Variants in PID1 observed in about 807,000 individuals in gnomAD.
PID1 encodes PTB-containing, cubilin and LRP1-interacting protein.
In PID1, 10 loss-of-function variants were observed where a neutral mutation model predicts 19.1. The observed-to-expected ratio is 0.52, with a 90% CI of 0.32 to 0.89. The LOEUF (loss-of-function observed/expected upper bound fraction) is 0.89. Among genes scored for constraint, PID1 ranks in the 40% least tolerant of loss-of-function variants. PID1 has a pLI of 0.03. For missense variants in PID1, 248 were observed against 285.3 expected (o/e 0.87, Z 0.94); for synonymous variants, 130 against 116.0 (o/e 1.12, Z -0.78).
chr2:229,027,535 G>A (rs6726780), intron 2 of PID1, among the ~76,000 whole-genome samples: 65,598 of 151,930 alleles, frequency 0.43, 14,332 homozygotes, highest in African/African-American at 0.5. Context: ...AAGGCAGGCC[G>A]TGGAAAGGGC....
chr2:229,102,896 A>G (rs1273994752), intron 2 of PID1, among the ~76,000 whole-genome samples: 4 of 152,174 alleles, frequency 2.6e-5, no homozygotes, highest in Admixed American at 2.6e-4. Flanking sequence ...GCTGTCTTTC[A>G]GGTACTAAAG....
At chr2:229,184,523 C>A (rs576342368) in intron 1 of PID1, among the ~76,000 whole-genome samples, 1 of 17,588 alleles carries the variant, frequency 5.7e-5, no homozygotes, top group Non-Finnish European at 9.3e-5. Context: ...ATATATATAT[C>A]CCGTATATAT....
rs189494717 is a variant in PID1 at position 229,205,613 on chromosome 2, A to T, written c.31-49649T>A. On this transcript the variant is annotated intron_variant, in intron 1 of 2. Transcript: ENST00000392055. ...AACCCTAAAAAGATATTCTTTCTCC[A>T]TATTATGTCAACAAAATGTAGAGTT... Among the ~76,000 whole-genome samples, 292 of 152,224 alleles carry T rather than the reference A, an allele frequency of 1.9e-3. 2 individuals carry two copies. Among genetic ancestry groups the T allele is most frequent in the African/African-American group, 6.4e-3 (266 of 41,542 alleles).
rs59950552 is a variant in PID1 at position 229,109,287 on chromosome 2, C to T, written c.177+46531G>A. Among the ~76,000 whole-genome samples the T allele has an allele frequency of 8.6e-3, 1,314 of 152,116 alleles. 16 individuals are homozygous for T. The highest frequency in any genetic ancestry group is 0.03 in the African/African-American group (1,254 of 41,492). The stretch of plus-strand genomic sequence containing the variant: ...GGGTTACGGGTGATTTCAAGCTCTT[C>T]GGGCTGCAGAAACCCCCGAGTTCTA... On this transcript the variant is annotated intron_variant, in intron 2 of 2. Transcript: ENST00000392055.
intron 2 of PID1, among the ~76,000 whole-genome samples, chr2:229,107,503 CAAAAAA>C (rs36057425): frequency 8.4e-6 from 1 of 119,238 alleles, no homozygotes; most frequent in African/African-American, 3.1e-5. Context: ...AATATATCAC[CAAAAAA>C]AAAAAAAAAA....
In PID1 at chr2:229,025,603, C is replaced by A; in HGVS notation, c.*29G>T. On this transcript the variant is annotated 3_prime_UTR_variant, in exon 3 of 3. Transcript: ENST00000392055. ...ATTCCCTTGAACTCCGTGACCAATGCTGCCTTTGCTGAAGCGTCTCAAGTT... is the reference window on the plus strand; with the variant it reads ...ATTCCCTTGAACTCCGTGACCAATGATGCCTTTGCTGAAGCGTCTCAAGTT... The A allele has an allele frequency of 6.5e-7, 1 of 1,528,342 alleles. No homozygotes were observed. The highest frequency in any genetic ancestry group is 9.0e-7 in the Non-Finnish European group (1 of 1,107,502). 94.7% of individuals were successfully genotyped at this position (1,528,342 alleles called of 1,614,324 possible).
chr2:229,241,089 T>C (rs1237167010), intron 1 of PID1, among the ~76,000 whole-genome samples: 1 of 152,182 alleles, frequency 6.6e-6, no homozygotes, highest in Non-Finnish European at 1.5e-5. Context: ...TTTGAGATTT[T>C]CCATTTGTTC....
intron 1 of PID1, among the ~76,000 whole-genome samples, chr2:229,242,854 C>G (rs1189165404): frequency 6.6e-6 from 1 of 152,086 alleles, no homozygotes; most frequent in Non-Finnish European, 1.5e-5. Context: ...CATACTCTTT[C>G]ACTCTAGTCC....
At chr2:229,237,313 C>A (rs925196022) in intron 1 of PID1, among the ~76,000 whole-genome samples, 1 of 152,164 alleles carries the variant, frequency 6.6e-6, no homozygotes, top group African/African-American at 2.4e-5. Flanking sequence ...AAAAAGATAT[C>A]TACAGTTATG....
intron 1 of PID1, among the ~76,000 whole-genome samples, chr2:229,189,016 G>A (rs891065132): frequency 6.6e-6 from 1 of 152,042 alleles, no homozygotes; most frequent in African/African-American, 2.4e-5. Flanking sequence ...TCAAAGGCAC[G>A]CCTGAAAAAA....
intron 2 of PID1, among the ~76,000 whole-genome samples, chr2:229,138,920 G>A (rs1210150741): frequency 1.3e-5 from 2 of 148,700 alleles, no homozygotes; most frequent in African/African-American, 5.0e-5. Context: ...AATGGACAGG[G>A]GATGAAAGAA....
At chr2:229,218,400 T>C (rs1467697536) in intron 1 of PID1, among the ~76,000 whole-genome samples, 1 of 151,396 alleles carries the variant, frequency 6.6e-6, no homozygotes, top group Non-Finnish European at 1.5e-5. Context: ...TCAACCCCTG[T>C]CCATATACTG....
chr2:229,069,335 T>G (rs1694404455), intron 2 of PID1, among the ~76,000 whole-genome samples: 1 of 152,056 alleles, frequency 6.6e-6, no homozygotes, highest in African/African-American at 2.4e-5. Flanking sequence ...GATTTGAACT[T>G]TAGACAGTAA....
chr2:229,261,069 C>T (rs1179672720), intron 1 of PID1, among the ~76,000 whole-genome samples: 1 of 152,060 alleles, frequency 6.6e-6, no homozygotes, highest in African/African-American at 2.4e-5. Context: ...GACACACACA[C>T]AGGAAGAATA....
chr2:229,229,469 C>G (rs1692156538), intron 1 of PID1, among the ~76,000 whole-genome samples: 1 of 146,996 alleles, frequency 6.8e-6, no homozygotes, highest in African/African-American at 2.5e-5. Flanking sequence ...CGCATCTCTA[C>G]AAAAAAATAT....
intron 2 of PID1, among the ~76,000 whole-genome samples, chr2:229,045,532 T>C (rs748063198): frequency 1.3e-5 from 2 of 152,250 alleles, no homozygotes; most frequent in Non-Finnish European, 2.9e-5. Context: ...TCAAGGTTTC[T>C]GGGCTTTCAG....
intron 1 of PID1, among the ~76,000 whole-genome samples, chr2:229,178,137 A>C (rs1301572666): frequency 2.0e-5 from 3 of 152,240 alleles, no homozygotes; most frequent in Non-Finnish European, 4.4e-5. Flanking sequence ...ATTTTAATCA[A>C]ATCCCCTTAT....
chr2:229,061,097 C>T (rs1004005597), intron 2 of PID1, among the ~76,000 whole-genome samples: 4 of 152,012 alleles, frequency 2.6e-5, no homozygotes, highest in Non-Finnish European at 4.4e-5. Flanking sequence ...CCTTGCTGTG[C>T]AGAGGCCATA....
intron 1 of PID1, among the ~76,000 whole-genome samples, chr2:229,211,034 C>T (rs1209415480): frequency 2.0e-5 from 3 of 152,268 alleles, no homozygotes; most frequent in Middle Eastern, 3.4e-3. Flanking sequence ...ATAAAGCTGC[C>T]TTACAACGAA....
Sources: allele counts gnomAD v4.1 joint callset (sites outside exome capture counted in the v4.1 genomes callset), GRCh38; gene constraint gnomAD v4.1.1; transcripts MANE v1.5; gene names NCBI Gene and HGNC (gene_info 2026-07-23, HGNC 2026-07-21).